The following PCDHA2 variants were observed in gnomAD, a reference collection of about 807,000 sequenced individuals.
PCDHA2 encodes the protein protocadherin alpha 2.
Under a neutral mutation model 66.0 loss-of-function variants are expected in PCDHA2, and 58 were observed. The observed-to-expected ratio is 0.88, with a 90% CI of 0.71 to 1.09. PCDHA2 has a LOEUF of 1.09. Ranked by LOEUF, PCDHA2 falls within the 50% of genes least tolerant of loss-of-function variation. The pLI is 0.00. For missense variants in PCDHA2, 1,267 were observed against 1,242.3 expected, an observed-to-expected ratio of 1.02 and a Z score of -0.30; for synonymous variants, 634 against 554.0, an observed-to-expected ratio of 1.14 and a Z score of -2.03.
rs149166530 is a variant in PCDHA2, at chr5:140,990,443, A to G, written c.2536+7880A>G. Among the ~76,000 whole-genome samples the G allele has an allele frequency of 8.3e-4, 127 of 152,344 alleles. 2 individuals carry two copies. The East Asian group carries it at 0.024, about 29-fold the overall frequency. On this transcript the variant is annotated intron_variant, in intron 3 of 3. Transcript: ENST00000526136. ...CCAGCATTGACCCAATCTTGTGTCC[A>G]GAGCTGTTGCTGTAGGTGGTATCAT...
At chr5:140,909,470 C>T (rs566835545) in intron 1 of PCDHA2, among the ~76,000 whole-genome samples, 1 of 152,320 alleles carries the variant, frequency 6.6e-6, no homozygotes, top group African/African-American at 2.4e-5. Flanking sequence ...GTCTTCTTCA[C>T]AGGCTAAATA....
intron 3 of PCDHA2, among the ~76,000 whole-genome samples, chr5:140,993,787 A>AT (rs1554253947): frequency 6.6e-6 from 1 of 152,196 alleles, no homozygotes; most frequent in Non-Finnish European, 1.5e-5. Context: ...GTACAGTAAC[A>AT]TGCTGTGCAG....
At chr5:140,808,786 T>C (rs1554124782) in intron 1 of PCDHA2, 9 of 1,612,390 alleles carry the variant, frequency 5.6e-6, no homozygotes, top group South Asian at 3.3e-5. Flanking sequence ...TGCTGCAGTT[T>C]CAGGTGACCG....
At chr5:140,845,107 C>T (rs1420580197) in intron 1 of PCDHA2, among the ~76,000 whole-genome samples, 2 of 149,448 alleles carry the variant, frequency 1.3e-5, no homozygotes, top group East Asian at 1.9e-4. Flanking sequence ...CTCTTAATGC[C>T]TGTCCATGTT....
At chr5:140,961,984 C>T (rs1037951528) in intron 1 of PCDHA2, among the ~76,000 whole-genome samples, 69 of 151,884 alleles carry the variant, frequency 4.5e-4, no homozygotes, top group African/African-American at 1.5e-3. Context: ...CCTGGGTTCA[C>T]GCCATTGTCC....
At chr5:140,967,934 A>G (rs781977227) in intron 1 of PCDHA2, 4 of 1,614,172 alleles carry the variant, frequency 2.5e-6, no homozygotes, top group Non-Finnish European at 2.5e-6. Flanking sequence ...TCTCAGTGTC[A>G]ATGACCAAGA....
chr5:140,923,566 C>T lies in PCDHA2; in HGVS notation c.2389-55383C>T, dbSNP rs149499154. ...AAATGAAATATCAGCAATGAAAGGT[C>T]CTGCTAAAGAGAAGGTTTGTTAATT... On this transcript the variant is annotated intron_variant, in intron 1 of 3. Coordinates refer to ENST00000526136, the MANE Select transcript of PCDHA2 (RefSeq NM_018905.3). 8.1e-3 allele frequency among the ~76,000 whole-genome samples: 1,228 copies of T among 152,208 alleles called. 6 individuals carry two copies. The highest frequency in any genetic ancestry group is 0.019 in the African/African-American group (794 of 41,538).
At position 140,834,723 on chromosome 5, in the gene PCDHA2, C is replaced by A. The variant is rs1187806383; in HGVS notation, c.2388+37371C>A. The A allele has an allele frequency of 3.1e-6, 5 of 1,614,158 alleles. No homozygotes were observed. The African/African-American group carries it at 6.7e-5, about 22-fold the overall frequency. On this transcript the variant is annotated intron_variant, in intron 1 of 3. Transcript: ENST00000526136. Reference sequence around the variant, plus strand: ...CCTGGAGGTGATCGTGGAAAGGCCGCTGCAGGTTTTCCATGTGGACGTGGA... The same window carrying A: ...CCTGGAGGTGATCGTGGAAAGGCCGATGCAGGTTTTCCATGTGGACGTGGA...
rs2150455604 is a variant in PCDHA2, at chr5:140,849,875, C to T, written c.2388+52523C>T. The T allele has an allele frequency of 6.9e-5, 111 of 1,598,488 alleles. 9 individuals are homozygous for T. The highest frequency in any genetic ancestry group is 8.0e-5 in the Non-Finnish European group (93 of 1,168,004). On this transcript the variant is annotated intron_variant, in intron 1 of 3. Transcript: ENST00000526136. ...CACCAGCGTTCGCGCAGTCCGAGTA[C>T]ACGGTGTTCGTGAAGGAGAACAACC...
intron 1 of PCDHA2, chr5:140,836,001 G>C (rs2150250076): frequency 6.2e-7 from 1 of 1,613,350 alleles, no homozygotes; most frequent in Admixed American, 1.7e-5. Context: ...CGCGCGCGAT[G>C]CGGGCGTGCC....
rs374520361 is a variant in PCDHA2, at chr5:140,870,742, A to C, written c.2388+73390A>C. 10 of 1,613,406 alleles carry C rather than the reference A, an allele frequency of 6.2e-6. No homozygotes were observed. In the African/African-American group the frequency reaches 1.1e-4, roughly 17 times the overall value. On this transcript the variant is annotated intron_variant, in intron 1 of 3. Transcript: ENST00000526136. ...TGCGGGCGTGCCGCCTCTGAGCAGC[A>C]ACGTGACGCTGCAGGTGTTCGTGCT...
At chr5:140,804,624 C>T (rs1763423636) in intron 1 of PCDHA2, 1 of 153,174 alleles carries the variant, frequency 6.5e-6, no homozygotes, top group African/African-American at 2.4e-5. Context: ...TGGTTAACTT[C>T]TCTGAATAGC....
Position 140,978,960 on chromosome 5 carries a change from C to G in PCDHA2, c.2400C>G (p.Pro800=), listed in dbSNP as rs560855761. The G allele has an allele frequency of 2.6e-5, 42 of 1,614,120 alleles. No homozygotes were observed. The highest frequency in any genetic ancestry group is 2.5e-4 in the African/African-American group (19 of 75,024). The change falls in exon 2 of 4, where the codon CCC becomes CCG. Residue 800 remains proline, a synonymous_variant. Coordinates refer to ENST00000526136, the MANE Select transcript of PCDHA2 (RefSeq NM_018905.3). ...TTGTGATTTTGCAGCCACGACAGCC[C>G]AACCCTGACTGGCGTTACTCTGCCT... ...ESEYVGKPRQ[P]NPDWRYSASL...
In PCDHA2 at chr5:140,797,124, G is replaced by A. The variant is rs781938311; in HGVS notation, c.2160G>A (p.Ala720=). 6.2e-7 allele frequency: 1 copy of A among 1,614,006 alleles called. No individual in the cohort carries two copies. The highest frequency in any genetic ancestry group is 1.1e-5 in the South Asian group (1 of 91,086). The change falls in exon 1 of 4, where the codon GCG becomes GCA. Residue 720 remains alanine, a synonymous_variant. Coordinates refer to ENST00000526136, the MANE Select transcript of PCDHA2 (RefSeq NM_018905.3). ...TGCTCACGGTGCTGCTGTACACTGC[G>A]CTGCGGTGCTCGGTGCCACCCACCG... is the stretch of plus-strand genomic sequence containing the variant. ...LLVLTVLLYT[A]LRCSVPPTEG... is the part of the protein sequence containing the mutation.
At chr5:140,850,617 T>A in intron 1 of PCDHA2, 3 of 1,598,492 alleles carry the variant, frequency 1.9e-6, no homozygotes, top group African/African-American at 2.7e-5. Context: ...CTGCGCGGTG[T>A]CTAGCCTGTT....
At position 140,836,827 on chromosome 5, in the gene PCDHA2, G is replaced by A. The variant is rs1774764727; in HGVS notation, c.2388+39475G>A. Reference sequence around the variant, plus strand: ...ATTTTCTTTCATAATTTCTTTTTTAGTTGATAGCTTTATGTATAATTATTA... The same window carrying A: ...ATTTTCTTTCATAATTTCTTTTTTAATTGATAGCTTTATGTATAATTATTA... On this transcript the variant is annotated intron_variant, in intron 1 of 3. Transcript: ENST00000526136. The A allele has an allele frequency of 2.9e-5, 28 of 968,068 alleles. No homozygotes were observed. The South Asian group carries it at 4.7e-4, about 16-fold the overall frequency. 60.0% of individuals were successfully genotyped at this position (968,068 alleles called of 1,614,324 possible).
chr5:140,797,237 T>C lies in PCDHA2; in HGVS notation c.2273T>C (p.Val758Ala). 6.2e-7 allele frequency: 1 copy of C among 1,614,128 alleles called. No homozygotes were observed. The highest frequency in any genetic ancestry group is 2.2e-5 in the East Asian group (1 of 44,868). ...WSYSQQRRQR[V>A]CSGEDPPKTD... ...TACTCGCAGCAGAGGCGGCAGAGGG[T>C]GTGCTCTGGGGAGGACCCCCCCAAG... Residue 758 changes from valine to alanine, a missense_variant, in exon 1 of 4, where the codon GTG becomes GCG. Val to Ala is a moderately conservative substitution (Grantham distance 64, BLOSUM62 0). Coordinates refer to ENST00000526136, the MANE Select transcript of PCDHA2 (RefSeq NM_018905.3).
At chr5:140,830,231 A>G (rs1770914153) in intron 1 of PCDHA2, 1 of 1,613,696 alleles carries the variant, frequency 6.2e-7, no homozygotes, top group Admixed American at 1.7e-5. Context: ...GCTGGTCCTC[A>G]CGCTACTGCT....
At chr5:140,819,388 T>C (rs1251672675) in intron 1 of PCDHA2, among the ~76,000 whole-genome samples, 1 of 152,134 alleles carries the variant, frequency 6.6e-6, no homozygotes, top group Non-Finnish European at 1.5e-5. Context: ...TCTAAAGGCT[T>C]TTAGTGAATT....
Sources: allele counts gnomAD v4.1 joint callset (sites outside exome capture counted in the v4.1 genomes callset), GRCh38; gene constraint gnomAD v4.1.1; transcripts MANE v1.5; gene names NCBI Gene and HGNC (gene_info 2026-07-23, HGNC 2026-07-21).